The following ANKRD24 variants were observed in gnomAD, a reference collection of about 807,000 sequenced individuals.
ANKRD24 encodes the protein ankyrin repeat domain 24, also known as ankyrin repeat domain-containing protein 24.
ANKRD24 carries 109 observed loss-of-function variants against 127.8 expected under a neutral mutation model. That is an observed-to-expected ratio of 0.85 (90% CI 0.73 to 1.00). The LOEUF is 1.00. Ranked by LOEUF, ANKRD24 falls within the 50% of genes least tolerant of loss-of-function variation. ANKRD24 has a pLI of 0.00. For missense variants in ANKRD24, 1,648 were observed against 1,570.2 expected, an observed-to-expected ratio of 1.05 and a Z score of -0.84; for synonymous variants, 743 against 671.1, an observed-to-expected ratio of 1.11 and a Z score of -1.66.
chr19:4,208,896 A>G, intron 11 of ANKRD24, 95 bp downstream of exon 11: 1 of 1,316,568 alleles, frequency 7.6e-7, no homozygotes, highest in Non-Finnish European at 1.1e-6. Flanking sequence ...AGGAAGTTAG[A>G]CCTGGGAAAA....
Position 4,212,517 on chromosome 19 carries a change from G to T in ANKRD24, c.1098+4G>T. The T allele has an allele frequency of 1.9e-6, 3 of 1,557,852 alleles. No homozygotes were observed. The African/African-American group carries it at 4.1e-5, about 21-fold the overall frequency. ...CCTGCACATCCTGGAGAGACAGGTAGGTGGGAAGGTGGGGAGGAGCCGGTC... is the reference window on the plus strand; with the variant it reads ...CCTGCACATCCTGGAGAGACAGGTATGTGGGAAGGTGGGGAGGAGCCGGTC... On this transcript the variant is annotated splice_donor_region_variant and intron_variant, in intron 14 of 21. Transcript: ENST00000318934.
intron 19 of ANKRD24, among the ~76,000 whole-genome samples, chr19:4,222,169 A>G (rs13346610): frequency 0.12 from 18,879 of 152,162 alleles, 3,197 homozygotes; most frequent in African/African-American, 0.38. Context: ...CAAGTGGATC[A>G]CCTGAGGTCA....
At chr19:4,214,037 A>G (rs941755087) in intron 15 of ANKRD24, among the ~76,000 whole-genome samples, 1 of 152,180 alleles carries the variant, frequency 6.6e-6, no homozygotes, top group African/African-American at 2.4e-5. Context: ...ACCCACAAAC[A>G]CACAGTTTAC....
intron 20 of ANKRD24, among the ~76,000 whole-genome samples, chr19:4,223,707 G>A (rs1173146934): frequency 6.6e-6 from 1 of 152,062 alleles, no homozygotes; most frequent in East Asian, 1.9e-4. Context: ...TGGGACTACA[G>A]GCATGTGCCA....
chr19:4,217,338 G>A lies in ANKRD24; in HGVS notation c.2178G>A (p.Glu726=). ...EASEKLQVEL[E]TRIRGLEEAL... Reference sequence around the variant, plus strand: ...CGGAAAAGCTTCAAGTAGAGCTGGAGACCAGGATCCGTGGCTTGGAGGAGG... The same window carrying A: ...CGGAAAAGCTTCAAGTAGAGCTGGAAACCAGGATCCGTGGCTTGGAGGAGG... The change falls in exon 18 of 22, where the codon GAG becomes GAA. Residue 726 remains glutamate, a synonymous_variant. Coordinates refer to ENST00000318934, the MANE Select transcript of ANKRD24 (RefSeq NM_001393985.1). The A allele has an allele frequency of 6.4e-7, 1 of 1,551,654 alleles. No homozygotes were observed. Among genetic ancestry groups the A allele is most frequent in the Non-Finnish European group, 8.7e-7 (1 of 1,147,070 alleles).
rs1379765896 is a variant in ANKRD24, at chr19:4,217,904, C to T, written c.2744C>T (p.Pro915Leu). 1.8e-5 allele frequency: 27 copies of T among 1,482,666 alleles called. 1 individual carries two copies. The Middle Eastern group carries it at 7.0e-4, about 39-fold the overall frequency. The allele number at this position is 1,482,666 out of a possible 1,614,324, so 91.8% of individuals were successfully genotyped here. A position where few individuals can be genotyped will look rare whatever the true frequency, so the allele number is the denominator to read the frequency against. ...GAGGCCCTCCGCCAGTCCGTGGTGC[C>T]GGCCTCTGAGCACCGCCGGCTGCAG... ...ASEALRQSVVPASEHRRLQEE... is the reference protein window; with the variant it reads ...ASEALRQSVVLASEHRRLQEE... The change falls in exon 18 of 22, where the codon CCG (proline) becomes CTG (leucine). Residue 915 changes from proline (P) to leucine (L), a missense_variant. Coordinates refer to ENST00000318934, the MANE Select transcript of ANKRD24 (RefSeq NM_001393985.1).
intron 2 of ANKRD24, among the ~76,000 whole-genome samples, chr19:4,197,857 G>A (rs1041027202): frequency 1.3e-5 from 2 of 152,024 alleles, no homozygotes; most frequent in Admixed American, 6.6e-5. Context: ...AAACAAATGA[G>A]TGAAGGAATG....
At chr19:4,214,095 C>T (rs1364530374) in intron 15 of ANKRD24, among the ~76,000 whole-genome samples, 2 of 152,198 alleles carry the variant, frequency 1.3e-5, no homozygotes, top group Non-Finnish European at 2.9e-5. Flanking sequence ...CACACGCATG[C>T]ATTGCACGTG....
At position 4,222,745 on chromosome 19, in the gene ANKRD24, G is replaced by A. The variant is rs370271902; in HGVS notation, c.3247G>A (p.Glu1083Lys). 55 of 1,611,770 alleles carry A rather than the reference G, an allele frequency of 3.4e-5. No homozygotes were observed. The highest frequency in any genetic ancestry group is 4.6e-5 in the Non-Finnish European group (54 of 1,178,730). The change falls in exon 20 of 22, where the codon GAG becomes AAG. Residue 1083 changes from glutamate (E) to lysine (K), a missense_variant. Transcript: ENST00000318934. ...KEQPAALATP[E>K]VEALRDQVKD... is the part of the protein sequence containing the mutation. ...GCAGCCGGCCGCCCTCGCCACCCCTGAGGTGGAGGCTCTCCGTGACCAGGT... is the reference window on the plus strand; with the variant it reads ...GCAGCCGGCCGCCCTCGCCACCCCTAAGGTGGAGGCTCTCCGTGACCAGGT...
intron 2 of ANKRD24, among the ~76,000 whole-genome samples, chr19:4,196,682 C>T (rs995549312): frequency 2.0e-5 from 3 of 152,150 alleles, no homozygotes; most frequent in African/African-American, 4.8e-5. Flanking sequence ...GCCTCCAGGG[C>T]TCCTTCTAAA....
chr19:4,206,468 T>A (rs144583167), intron 7 of ANKRD24, among the ~76,000 whole-genome samples: 1 of 151,140 alleles, frequency 6.6e-6, no homozygotes, highest in Non-Finnish European at 1.5e-5. Context: ...TAAAATAATA[T>A]AATATAAAAT....
At chr19:4,206,358 G>A (rs931550198) in intron 7 of ANKRD24, among the ~76,000 whole-genome samples, 4 of 151,470 alleles carry the variant, frequency 2.6e-5, no homozygotes, top group African/African-American at 7.3e-5. Context: ...GAATTAGCCA[G>A]GAGTGGTGGT....
In ANKRD24 at chr19:4,217,607, A is replaced by T; in HGVS notation, c.2447A>T (p.Asp816Val). The change falls in exon 18 of 22, where the codon GAT (aspartate) becomes GTT (valine). Residue 816 changes from aspartate to valine, a missense_variant. Physicochemically the swap from Asp to Val is radical, Grantham distance 152 (BLOSUM62 -3). Coordinates refer to ENST00000318934, the MANE Select transcript of ANKRD24 (RefSeq NM_001393985.1). ...RELEAASACL[D>V]EARASRLLAE... ...CTGGAGGCGGCCTCGGCCTGCCTGG[A>T]TGAGGCTCGGGCCAGCCGGCTGCTG... 7.7e-7 allele frequency: 1 copy of T among 1,297,522 alleles called. No homozygotes were observed. The highest frequency in any genetic ancestry group is 9.7e-7 in the Non-Finnish European group (1 of 1,027,152). The allele number at this position is 1,297,522 out of a possible 1,614,324, so 80.4% of individuals were successfully genotyped here.
chr19:4,204,822 C>T (rs8107292), intron 7 of ANKRD24, among the ~76,000 whole-genome samples: 17,587 of 152,192 alleles, frequency 0.12, 1,115 homozygotes, highest in African/African-American at 0.13. Flanking sequence ...TATAGGAGTC[C>T]GTTGGTTTTT....
chr19:4,218,456 C>A (rs1317407883), intron 18 of ANKRD24, among the ~76,000 whole-genome samples: 1 of 151,862 alleles, frequency 6.6e-6, no homozygotes, highest in Non-Finnish European at 1.5e-5. Context: ...CCTGCCCCCA[C>A]GCCCAGCTAA....
chr19:4,208,798 TCAGGTATGGACC>T lies in ANKRD24; in HGVS notation c.869_870+10del. The T allele has an allele frequency of 6.2e-7, 1 of 1,613,210 alleles. No individual in the cohort carries two copies. Among genetic ancestry groups the T allele is most frequent in the Non-Finnish European group, 8.5e-7 (1 of 1,179,560 alleles). ...AGGATGATTCAGGCGAGGCGTCATC[TCAGGTATGGACC>T]CCTAAGCAGTGAAGGAGCCCCTCCT... On this transcript the variant is annotated splice_donor_variant and splice_donor_5th_base_variant and coding_sequence_variant and intron_variant, in exon 11 of 22. Coordinates refer to ENST00000318934, the MANE Select transcript of ANKRD24 (RefSeq NM_001393985.1). LOFTEE classifies it high-confidence loss of function.
In ANKRD24 at chr19:4,208,143, G is replaced by C. The variant is rs115845796; in HGVS notation, c.832+175G>C. ...AAGGAGCCCCAGGGCATTTAGAGTA[G>C]TCTGGGAGGGGGTCTGCTTCTGCTT... On this transcript the variant is annotated intron_variant, in intron 10 of 21. Transcript: ENST00000318934. 1.9e-3 allele frequency among the ~76,000 whole-genome samples: 283 copies of C among 152,192 alleles called. 1 individual carries two copies. Among genetic ancestry groups the C allele is most frequent in the African/African-American group, 6.5e-3 (272 of 41,546 alleles).
intron 2 of ANKRD24, among the ~76,000 whole-genome samples, chr19:4,190,231 C>T (rs1968307551): frequency 2.0e-5 from 3 of 151,244 alleles, no homozygotes; most frequent in Admixed American, 1.3e-4. Flanking sequence ...GTCAGGAGAT[C>T]GAGGCCATCC....
Position 4,217,097 on chromosome 19 carries a change from AAGC to A in ANKRD24, c.1940_1942del (p.Ala647del), listed in dbSNP as rs1175174489. 5.6e-6 allele frequency: 9 copies of A among 1,613,648 alleles called. No homozygotes were observed. The highest frequency in any genetic ancestry group is 7.6e-6 in the Non-Finnish European group (9 of 1,179,834). ...ATGGGGGTGGAGGCCACAAAAACAAAAGCAGAGGAAGCAGAAATGCAGGCCTAC... is the reference window on the plus strand; with the variant it reads ...ATGGGGGTGGAGGCCACAAAAACAAAAGAGGAAGCAGAAATGCAGGCCTAC... On this transcript the variant is annotated inframe_deletion, in exon 18 of 22. Coordinates refer to ENST00000318934, the MANE Select transcript of ANKRD24 (RefSeq NM_001393985.1).
Sources: allele counts gnomAD v4.1 joint callset (sites outside exome capture counted in the v4.1 genomes callset), GRCh38; gene constraint gnomAD v4.1.1; transcripts MANE v1.5; gene names NCBI Gene and HGNC (gene_info 2026-07-23, HGNC 2026-07-21).